The following PAPPA2 variants were observed in gnomAD, a reference collection of about 807,000 sequenced individuals.
PAPPA2 encodes pappalysin 2, also known as pappalysin-2.
A neutral mutation model predicts 176.4 loss-of-function variants in PAPPA2; 86 were observed. The observed-to-expected ratio is 0.49, with a 90% CI of 0.41 to 0.58. PAPPA2 has a LOEUF of 0.58. Ranked by LOEUF, PAPPA2 falls within the 20% of genes least tolerant of loss-of-function variation. PAPPA2 has a pLI of 0.00. For missense variants in PAPPA2, 2,073 were observed against 2,256.9 expected (o/e 0.92, Z 1.65); for synonymous variants, 809 against 852.2 (o/e 0.95, Z 0.88).
chr1:176,692,094 C>T (rs374667124), intron 5 of PAPPA2, 32 bp from the exon 6 acceptor site: 11 of 1,577,770 alleles, frequency 7.0e-6, no homozygotes, highest in Non-Finnish European at 9.5e-6. Context: ...TTAAAATCTC[C>T]ATCTCTTGTG....
At chr1:176,530,731 G>A (rs1649763052) in intron 1 of PAPPA2, among the ~76,000 whole-genome samples, 1 of 152,070 alleles carries the variant, frequency 6.6e-6, no homozygotes, top group Admixed American at 6.5e-5. Context: ...AAAGTCTCTG[G>A]ATCTTCACTT....
At chr1:176,527,013 C>T (rs1212483978) in intron 1 of PAPPA2, among the ~76,000 whole-genome samples, 1 of 152,098 alleles carries the variant, frequency 6.6e-6, no homozygotes, top group Non-Finnish European at 1.5e-5. Context: ...CATTATGTTG[C>T]CCAGGCTGTG....
At chr1:176,823,466 A>G (rs575283915) in intron 21 of PAPPA2, among the ~76,000 whole-genome samples, 18 of 152,340 alleles carry the variant, frequency 1.2e-4, no homozygotes, top group African/African-American at 4.1e-4. Flanking sequence ...TGTTGATCCA[A>G]TGAGGGCTTA....
intron 1 of PAPPA2, among the ~76,000 whole-genome samples, chr1:176,511,814 C>A (rs752951505): frequency 1.3e-5 from 2 of 152,148 alleles, no homozygotes; most frequent in African/African-American, 2.4e-5. Context: ...CAAACTTGAA[C>A]TGGGATTTAT....
chr1:176,680,796 A>G (rs1465938646), intron 4 of PAPPA2, among the ~76,000 whole-genome samples: 1 of 152,232 alleles, frequency 6.6e-6, no homozygotes, highest in Non-Finnish European at 1.5e-5. Flanking sequence ...CCAACCCCAA[A>G]GTAGTTCTTG....
At chr1:176,833,220 C>T (rs900043767) in intron 21 of PAPPA2, among the ~76,000 whole-genome samples, 11 of 152,214 alleles carry the variant, frequency 7.2e-5, no homozygotes, top group Non-Finnish European at 1.2e-4. Context: ...AGATCCTTAA[C>T]GTCTTACTGT....
chr1:176,538,114 A>G (rs891614889), intron 1 of PAPPA2, among the ~76,000 whole-genome samples: 10 of 151,938 alleles, frequency 6.6e-5, no homozygotes, highest in African/African-American at 2.4e-4. Context: ...CCTTGTTTTG[A>G]CCTCATGATT....
At chr1:176,734,857 TAAAA>T (rs1448502729) in intron 12 of PAPPA2, among the ~76,000 whole-genome samples, 3 of 152,182 alleles carry the variant, frequency 2.0e-5, no homozygotes, top group Admixed American at 1.3e-4. Flanking sequence ...GAATGGCTTT[TAAAA>T]GTGTCTGTCA....
At chr1:176,733,235 G>C (rs1297263163) in intron 12 of PAPPA2, among the ~76,000 whole-genome samples, 3 of 152,118 alleles carry the variant, frequency 2.0e-5, no homozygotes, top group Non-Finnish European at 4.4e-5. Context: ...ATTGTCTAAG[G>C]TGCATTTAAG....
chr1:176,468,972 G>C (rs571245255), intron 1 of PAPPA2, among the ~76,000 whole-genome samples: 9 of 152,322 alleles, frequency 5.9e-5, no homozygotes, highest in African/African-American at 2.2e-4. Flanking sequence ...TTAGTAACTT[G>C]TAAGAGCTGG....
At chr1:176,511,180 T>C (rs1040436169) in intron 1 of PAPPA2, among the ~76,000 whole-genome samples, 1 of 152,100 alleles carries the variant, frequency 6.6e-6, no homozygotes, top group Non-Finnish European at 1.5e-5. Context: ...AATAAAAGGA[T>C]GGAAAAAATA....
intron 12 of PAPPA2, among the ~76,000 whole-genome samples, chr1:176,733,342 A>G (rs1370056708): frequency 6.6e-6 from 1 of 152,182 alleles, no homozygotes; most frequent in Non-Finnish European, 1.5e-5. Flanking sequence ...GGATCCCTGC[A>G]TTTTGTGGGA....
chr1:176,563,516 G>T (rs1218452568), intron 2 of PAPPA2, among the ~76,000 whole-genome samples: 2 of 152,118 alleles, frequency 1.3e-5, no homozygotes, highest in Non-Finnish European at 2.9e-5. Context: ...ACCCATGTTG[G>T]TTATGTGTTC....
At chr1:176,662,805 G>GTTTCC (rs1403189095) in intron 3 of PAPPA2, among the ~76,000 whole-genome samples, 1 of 152,020 alleles carries the variant, frequency 6.6e-6, no homozygotes, top group Non-Finnish European at 1.5e-5. Flanking sequence ...GCATGAAATT[G>GTTTCC]TTTCCTTTTT....
At chr1:176,622,383 T>C (rs969728246) in intron 3 of PAPPA2, among the ~76,000 whole-genome samples, 11 of 152,196 alleles carry the variant, frequency 7.2e-5, no homozygotes, top group Non-Finnish European at 1.5e-4. Flanking sequence ...TAGGATAATA[T>C]AGCATACAGA....
chr1:176,554,428 G>C (rs140801536), intron 1 of PAPPA2, among the ~76,000 whole-genome samples: 1 of 152,180 alleles, frequency 6.6e-6, no homozygotes, highest in Non-Finnish European at 1.5e-5. Context: ...GAACCATGCC[G>C]TGTGTTTGTC....
At position 176,594,611 on chromosome 1, in the gene PAPPA2, C is replaced by A; in HGVS notation, c.1007C>A (p.Ala336Asp). Residue 336 changes from alanine to aspartate, a missense_variant, in exon 3 of 23, where the codon GCT becomes GAT. Coordinates refer to ENST00000367662, the MANE Select transcript of PAPPA2 (RefSeq NM_020318.3). ...GGGAAGGACAAGGGAAAGCGGGATGCTCGCTTCTTCTTCTCCCTCTGCACC... is the reference window on the plus strand; with the variant it reads ...GGGAAGGACAAGGGAAAGCGGGATGATCGCTTCTTCTTCTCCCTCTGCACC... ...RSGKDKGKRD[A>D]RFFFSLCTDR... 6.2e-7 allele frequency: 1 copy of A among 1,614,200 alleles called. No homozygotes were observed. Among genetic ancestry groups the A allele is most frequent in the Non-Finnish European group, 8.5e-7 (1 of 1,180,036 alleles).
rs188336461 is a variant in PAPPA2, at chr1:176,759,211, C to T, written c.4152-6455C>T. Among the ~76,000 whole-genome samples, 5 of 152,266 alleles carry T rather than the reference C, an allele frequency of 3.3e-5. No individual in the cohort carries two copies. The East Asian group carries it at 9.7e-4, about 29-fold the overall frequency. On this transcript the variant is annotated intron_variant, in intron 14 of 22. Coordinates refer to ENST00000367662, the MANE Select transcript of PAPPA2 (RefSeq NM_020318.3). ...TAGAGAAGTTTATGAGCTGATGTCA[C>T]CCTGATTTTAAGTCTGAGCTAAAGC...
chr1:176,676,424 C>T (rs1659301129), intron 4 of PAPPA2, among the ~76,000 whole-genome samples: 1 of 151,542 alleles, frequency 6.6e-6, no homozygotes, highest in Non-Finnish European at 1.5e-5. Context: ...CATGCACCAA[C>T]TTGGATGGAT....
Sources: gnomAD v4.1 joint callset for allele counts (sites outside exome capture counted in the v4.1 genomes callset) on GRCh38, gnomAD v4.1.1 for gene constraint, MANE v1.5 for transcripts, NCBI Gene and HGNC (gene_info 2026-07-23, HGNC 2026-07-21) for gene names.